The following HOTAIR variants were observed in gnomAD, a reference collection of about 807,000 sequenced individuals.
HOTAIR encodes HOX transcript antisense RNA (non-protein coding).
chr12:53,973,141 G>C lies in HOTAIR; in HGVS notation n.59+1757C>G, dbSNP rs1197042392. ...TTTGGATCACGTGCTCAGAGAGAGAGAGACTAAGACGGATAACGCGTCATC... is the reference window on the plus strand; with the variant it reads ...TTTGGATCACGTGCTCAGAGAGAGACAGACTAAGACGGATAACGCGTCATC... On this transcript the variant is annotated intron_variant and non_coding_transcript_variant, in intron 1 of 6. Coordinates refer to ENST00000424518, the Ensembl canonical transcript of HOTAIR. This position sits in a 1 kb window ranked among gnomAD's most constrained non-coding sequence, Gnocchi z 4.3. 3.5e-6 allele frequency: 3 copies of C among 852,914 alleles called. No individual in the cohort carries two copies. Among genetic ancestry groups the C allele is most frequent in the Non-Finnish European group, 5.4e-6 (3 of 558,240 alleles). The allele number at this position is 852,914 out of a possible 1,614,324, so 52.8% of individuals were successfully genotyped here. A position where few individuals can be genotyped will look rare whatever the true frequency, so the allele number is the denominator to read the frequency against.
chr12:53,973,392 C>G lies in HOTAIR; in HGVS notation n.59+1506G>C, dbSNP rs1389429092. The G allele has an allele frequency of 6.2e-7, 1 of 1,614,128 alleles. No homozygotes were observed. The highest frequency in any genetic ancestry group is 8.5e-7 in the Non-Finnish European group (1 of 1,180,062). On this transcript the variant is annotated intron_variant and non_coding_transcript_variant, in intron 1 of 6. Transcript: ENST00000424518. This position sits in a 1 kb window ranked among gnomAD's most constrained non-coding sequence, Gnocchi z 4.3. ...CGAGTTCTCCACGGTCTCCTCCTTCCTGCCCCAGGCCCCCTCTCGTCAGAT... is the reference window on the plus strand; with the variant it reads ...CGAGTTCTCCACGGTCTCCTCCTTCGTGCCCCAGGCCCCCTCTCGTCAGAT...
At chr12:53,974,345 G>GGT (rs1939209643) in intron 1 of HOTAIR, among the ~76,000 whole-genome samples, 1 of 151,680 alleles carries the variant, frequency 6.6e-6, no homozygotes, top group East Asian at 1.9e-4. Flanking sequence ...AAAGGGGAGG[G>GGT]CGAGGGAAAG....
rs777615105 is a variant in HOTAIR, at chr12:53,973,247, T to A, written n.59+1651A>T. 1 of 1,593,776 alleles carries A rather than the reference T, an allele frequency of 6.3e-7. No individual in the cohort carries two copies. The highest frequency in any genetic ancestry group is 8.5e-7 in the Non-Finnish European group (1 of 1,171,682). ...GCCGGCAGGAGAGGAGAACGATGTT[T>A]AACTCGGTCAACCTGGGCAACTTCT... On this transcript the variant is annotated intron_variant and non_coding_transcript_variant, in intron 1 of 6. Coordinates refer to ENST00000424518, the Ensembl canonical transcript of HOTAIR. This position sits in a 1 kb window ranked among gnomAD's most constrained non-coding sequence, Gnocchi z 4.3.
At chr12:53,964,591 T>A (rs573017980) in intron 5 of HOTAIR, among the ~76,000 whole-genome samples, 197 of 152,358 alleles carry the variant, frequency 1.3e-3, no homozygotes, top group South Asian at 2.9e-3. Flanking sequence ...TGACCCTGAC[T>A]ACACAGTGGT....
At chr12:53,972,262 G>C (rs1014949243) in intron 1 of HOTAIR, among the ~76,000 whole-genome samples, 1 of 152,224 alleles carries the variant, frequency 6.6e-6, no homozygotes, top group Admixed American at 6.5e-5. Context: ...CCTTTTCTTT[G>C]GGGTTTGGGA....
chr12:53,971,601 G>A (rs1003896859), intron 1 of HOTAIR, among the ~76,000 whole-genome samples: 1 of 152,218 alleles, frequency 6.6e-6, no homozygotes, highest in African/African-American at 2.4e-5. Context: ...GAGAGTTCGG[G>A]CTATTTTTTG....
At chr12:53,965,411 A>G (rs1194879356) in intron 5 of HOTAIR, among the ~76,000 whole-genome samples, 2 of 152,264 alleles carry the variant, frequency 1.3e-5, no homozygotes, top group African/African-American at 2.4e-5. Context: ...GTCATCCCCA[A>G]GTGGGCACTG....
chr12:53,964,442 C>T (rs1283072628), intron 5 of HOTAIR, among the ~76,000 whole-genome samples: 1 of 152,106 alleles, frequency 6.6e-6, no homozygotes, highest in Non-Finnish European at 1.5e-5. Context: ...AGAAATATGA[C>T]TGAAGGGGAA....
chr12:53,970,022 T>A (rs1038438284), intron 1 of HOTAIR, among the ~76,000 whole-genome samples: 1 of 152,140 alleles, frequency 6.6e-6, no homozygotes, highest in African/African-American at 2.4e-5. Context: ...GTTGTCCGTG[T>A]GTTGGAGGGA....
intron 1 of HOTAIR, among the ~76,000 whole-genome samples, chr12:53,970,803 T>G (rs1939136204): frequency 6.6e-6 from 1 of 152,208 alleles, no homozygotes; most frequent in African/African-American, 2.4e-5. Flanking sequence ...AGCTGTCTCC[T>G]CACAGGATAC....
intron 1 of HOTAIR, among the ~76,000 whole-genome samples, chr12:53,972,937 T>C (rs887475282): frequency 1.1e-4 from 16 of 140,578 alleles, no homozygotes; most frequent in African/African-American, 4.1e-4. Context: ...CCTTTGCTCG[T>C]GCTGTGGTAT....
chr12:53,974,002 A>G lies in HOTAIR; in HGVS notation n.59+896T>C, dbSNP rs1203415888. 1.0e-5 allele frequency: 13 copies of G among 1,252,554 alleles called. No homozygotes were observed. The East Asian group carries it at 3.5e-4, about 34-fold the overall frequency. The allele number at this position is 1,252,554 out of a possible 1,614,324, so 77.6% of individuals were successfully genotyped here. ...GGAGGGCGAGAGAAGGGGGGAGGCA[A>G]GGGGAGCGGGGACGGCCTCGTGTTT... On this transcript the variant is annotated intron_variant and non_coding_transcript_variant, in intron 1 of 6. Transcript: ENST00000424518.
chr12:53,965,653 A>C (rs930554517), intron 5 of HOTAIR, among the ~76,000 whole-genome samples: 20 of 152,332 alleles, frequency 1.3e-4, no homozygotes, highest in African/African-American at 4.1e-4. Flanking sequence ...ACAAGGCAAG[A>C]GAGAACCCAG....
At position 53,973,265 on chromosome 12, in the gene HOTAIR, C is replaced by T; in HGVS notation, n.59+1633G>A. The T allele has an allele frequency of 6.2e-7, 1 of 1,610,012 alleles. No individual in the cohort carries two copies. The highest frequency in any genetic ancestry group is 8.5e-7 in the Non-Finnish European group (1 of 1,178,646). On this transcript the variant is annotated intron_variant and non_coding_transcript_variant, in intron 1 of 6. Transcript: ENST00000424518. This position sits in a 1 kb window ranked among gnomAD's most constrained non-coding sequence, Gnocchi z 4.3. ...CGATGTTTAACTCGGTCAACCTGGG[C>T]AACTTCTGCTCTCCGTCGCGCAAGG... is the stretch of plus-strand genomic sequence containing the variant.
At chr12:53,974,666 G>C (rs1032697991) in intron 1 of HOTAIR, among the ~76,000 whole-genome samples, 1 of 151,576 alleles carries the variant, frequency 6.6e-6, no homozygotes, top group Non-Finnish European at 1.5e-5. Context: ...CGGGCTTCCC[G>C]GGGCGCCAGG....
Position 53,973,832 on chromosome 12 carries a change from C to T in HOTAIR, n.59+1066G>A, listed in dbSNP as rs1238852908. ...TGGCGTCCCGGGCTGAGGCGGGTGC[C>T]GAGGCGGAGGCTGAGGAGGAGAACA... is the stretch of plus-strand genomic sequence containing the variant. On this transcript the variant is annotated intron_variant and non_coding_transcript_variant, in intron 1 of 6. Coordinates refer to ENST00000424518, the Ensembl canonical transcript of HOTAIR. The surrounding 1 kb of genome is among the most constrained non-coding windows in gnomAD (Gnocchi z 4.3). 1 of 1,513,650 alleles carries T rather than the reference C, an allele frequency of 6.6e-7. No individual in the cohort carries two copies. Among genetic ancestry groups the T allele is most frequent in the Non-Finnish European group, 8.8e-7 (1 of 1,136,526 alleles). The allele number at this position is 1,513,650 out of a possible 1,614,324, so 93.8% of individuals were successfully genotyped here.
At chr12:53,962,572 A>C (rs1476531777) in exon 7 of HOTAIR, 2 of 152,228 alleles carry the variant, frequency 1.3e-5, no homozygotes, top group Non-Finnish European at 2.9e-5. Flanking sequence ...GTTTATATAC[A>C]TACTGTGTGT....
At chr12:53,972,384 G>C (rs1939161953) in intron 1 of HOTAIR, among the ~76,000 whole-genome samples, 1 of 152,236 alleles carries the variant, frequency 6.6e-6, no homozygotes, top group Admixed American at 6.5e-5. Context: ...CACAACATTA[G>C]AGAAGGTTTT....
exon 3 of HOTAIR, chr12:53,967,379 C>T (rs1939074152): frequency 6.6e-6 from 1 of 152,200 alleles, no homozygotes; most frequent in African/African-American, 2.4e-5. Flanking sequence ...GCCTCAGTGC[C>T]TGGTGCTCTC....
Sources: gnomAD v4.1 joint callset for allele counts (sites outside exome capture counted in the v4.1 genomes callset) on GRCh38, gnomAD v4.1.1 for gene constraint, Gnocchi (gnomAD v3.1) non-coding constraint, MANE v1.5 for transcripts, NCBI Gene and HGNC (gene_info 2026-07-23, HGNC 2026-07-21) for gene names.